Variants in LRRC19 observed in about 807,000 individuals in gnomAD.
LRRC19 encodes leucine rich repeat containing 19.
A neutral mutation model predicts 33.3 loss-of-function variants in LRRC19; 33 were observed. The observed-to-expected ratio is 0.99, with a 90% confidence interval of 0.75 to 1.33. LRRC19 has a LOEUF of 1.33. LRRC19 is among the 40% of genes most tolerant of loss of function. LRRC19 has a pLI of 0.00. For missense variants in LRRC19, 463 were observed against 417.3 expected (o/e 1.11, Z -0.95); for synonymous variants, 184 against 152.3 (o/e 1.21, Z -1.53).
At chr9:26,999,167 G>A (rs1188795645) in intron 2 of LRRC19, among the ~76,000 whole-genome samples, 1 of 152,106 alleles carries the variant, frequency 6.6e-6, no homozygotes, top group Admixed American at 6.6e-5. Context: ...TCTTTATGTG[G>A]ATATAGATGG....
chr9:26,998,390 ATCTTTT>A (rs1828288073), intron 2 of LRRC19, 149 bp from the exon 3 acceptor site: 1 of 480,378 alleles, frequency 2.1e-6, no homozygotes, highest in Admixed American at 3.9e-5. Flanking sequence ...AGTAGAGCAA[ATCTTTT>A]TCTTTATTGG....
chr9:26,998,344 G>A, intron 2 of LRRC19, 103 bp from the exon 3 acceptor site: 3 of 677,480 alleles, frequency 4.4e-6, no homozygotes, highest in South Asian at 3.4e-5. Flanking sequence ...ACGTTATTTT[G>A]GGAAAAAAAC....
intron 3 of LRRC19, among the ~76,000 whole-genome samples, chr9:26,996,843 T>C (rs1318533033): frequency 6.6e-6 from 1 of 152,178 alleles, no homozygotes. Context: ...GGAAGCACTT[T>C]TAAAAAATTA....
chr9:27,002,489 G>A (rs1290018406), intron 1 of LRRC19, among the ~76,000 whole-genome samples: 1 of 152,128 alleles, frequency 6.6e-6, no homozygotes, highest in Non-Finnish European at 1.5e-5. Flanking sequence ...TAGGGGTCTG[G>A]TTTCATTTTT....
intron 2 of LRRC19, among the ~76,000 whole-genome samples, chr9:26,998,957 A>G (rs904351622): frequency 8.5e-5 from 13 of 152,128 alleles, no homozygotes; most frequent in Non-Finnish European, 1.5e-4. Context: ...TCATGCCATT[A>G]CACTCCAGCC....
rs200569334 is a variant in LRRC19, at chr9:26,995,756, C to T, written c.878G>A (p.Cys293Tyr). The T allele has an allele frequency of 6.2e-7, 1 of 1,613,736 alleles. No individual in the cohort carries two copies. Among genetic ancestry groups the T allele is most frequent in the Admixed American group, 1.7e-5 (1 of 60,004 alleles). Residue 293 changes from cysteine to tyrosine, a missense_variant, in exon 5 of 5, where the codon TGC becomes TAC. Cys to Tyr is a radical substitution (Grantham distance 194, BLOSUM62 -2). Transcript: ENST00000380055. ...TSLLIFIAIKCPIWYNILLSY... is the reference protein window; with the variant it reads ...TSLLIFIAIKYPIWYNILLSY... The stretch of plus-strand genomic sequence containing the variant: ...AAGCAGAATATTGTACCATATTGGG[C>T]ATTTGATAGCAATAAAAATGAGAAG...
intron 1 of LRRC19, 115 bp from the exon 2 acceptor site, chr9:26,999,818 C>G (rs1247920916): frequency 1.3e-5 from 8 of 593,730 alleles, no homozygotes; most frequent in Non-Finnish European, 2.1e-5. Context: ...CACTCTGTCA[C>G]ACAGACCTGG....
chr9:27,002,319 C>G lies in LRRC19; in HGVS notation c.-9-2616G>C, dbSNP rs544271857. 3.4e-3 allele frequency among the ~76,000 whole-genome samples: 513 copies of G among 152,322 alleles called. 3 individuals carry two copies. Among genetic ancestry groups the G allele is most frequent in the African/African-American group, 0.012 (492 of 41,576 alleles). On this transcript the variant is annotated intron_variant, in intron 1 of 4. Transcript: ENST00000380055. ...GGGTCCATGTGAAGAGACCACCAAACAGGCTTTGTGTGAGCAACATGGCTG... is the reference window on the plus strand; with the variant it reads ...GGGTCCATGTGAAGAGACCACCAAAGAGGCTTTGTGTGAGCAACATGGCTG...
chr9:26,995,922 C>T (rs944474266), intron 4 of LRRC19, 73 bp from the exon 5 acceptor site: 1 of 1,019,168 alleles, frequency 9.8e-7, no homozygotes, highest in Non-Finnish European at 1.4e-6. Context: ...AATTATATAT[C>T]CTAATTCTCC....
chr9:27,002,401 G>A (rs1003555839), intron 1 of LRRC19, among the ~76,000 whole-genome samples: 1 of 152,208 alleles, frequency 6.6e-6, no homozygotes, highest in African/African-American at 2.4e-5. Context: ...GCCCTCCAGT[G>A]TTTTCTTGAA....
At position 27,005,610 on chromosome 9, in the gene LRRC19, T is replaced by C. The variant is rs1345053517; in HGVS notation, c.-28A>G. The C allele has an allele frequency of 6.6e-6, 1 of 151,986 alleles. No individual in the cohort carries two copies. The highest frequency in any genetic ancestry group is 1.5e-5 in the Non-Finnish European group (1 of 67,986). 9.4% of individuals were successfully genotyped at this position (151,986 alleles called of 1,614,324 possible). ...ATCTTACCTTTTTTTCTTTTGTCTC[T>C]AAGACTTGTGTGCTAAAGGAAATTA... On this transcript the variant is annotated 5_prime_UTR_variant, in exon 1 of 5. Coordinates refer to ENST00000380055, the MANE Select transcript of LRRC19 (RefSeq NM_022901.3).
chr9:26,995,601 A>G lies in LRRC19; in HGVS notation c.1033T>C (p.Leu345=), dbSNP rs372468832. The G allele has an allele frequency of 5.0e-6, 8 of 1,607,766 alleles. No homozygotes were observed. In the African/African-American group the frequency reaches 6.7e-5, roughly 13 times the overall value. Residue 345 remains leucine (L), a synonymous_variant, in exon 5 of 5, where the codon TTA becomes CTA. Coordinates refer to ENST00000380055, the MANE Select transcript of LRRC19 (RefSeq NM_022901.3). ...TCATCATCTACCACAAATGAATGTA[A>G]TTGTTCAAATATTACTGTAGTTTCT... ...SEETTVIFEQ[L]HSFVVDDDGF...
In LRRC19 at chr9:26,993,465, T is replaced by C. The variant is rs1827979465; in HGVS notation, c.*2056A>G. 1 of 152,590 alleles carries C rather than the reference T, an allele frequency of 6.6e-6. No homozygotes were observed. Among genetic ancestry groups the C allele is most frequent in the African/African-American group, 2.4e-5 (1 of 41,462 alleles). The allele number at this position is 152,590 out of a possible 1,614,324, so 9.5% of individuals were successfully genotyped here. ...ATGTGTCTGTAAACACAAGCAAATA[T>C]GTATTATAAATTAGTAAGTTCTTCT... On this transcript the variant is annotated 3_prime_UTR_variant, in exon 5 of 5. Coordinates refer to ENST00000380055, the MANE Select transcript of LRRC19 (RefSeq NM_022901.3).
Position 26,993,679 on chromosome 9 carries a change from A to T in LRRC19, c.*1842T>A, listed in dbSNP as rs1487406565. 2.0e-5 allele frequency: 3 copies of T among 152,308 alleles called. No homozygotes were observed. The highest frequency in any genetic ancestry group is 4.8e-5 in the African/African-American group (2 of 41,570). The allele number at this position is 152,308 out of a possible 1,614,324, so 9.4% of individuals were successfully genotyped here. ...TTAAAACTTTATTATATACATAAAC[A>T]ATTTGAACATACACAGAAATAGCAT... On this transcript the variant is annotated 3_prime_UTR_variant, in exon 5 of 5. Coordinates refer to ENST00000380055, the MANE Select transcript of LRRC19 (RefSeq NM_022901.3).
Position 26,999,601 on chromosome 9 carries a change from TG to T in LRRC19, c.81+12del. The T allele has an allele frequency of 6.5e-7, 1 of 1,534,634 alleles. No individual in the cohort carries two copies. The highest frequency in any genetic ancestry group is 8.9e-7 in the Non-Finnish European group (1 of 1,119,548). On this transcript the variant is annotated intron_variant, in intron 2 of 4. Transcript: ENST00000380055. Reference sequence around the variant, plus strand: ...TTGAAAATATTTTTACTATTTTGATTGTAAAAACTTACTCTTTTAGAAGACT... The same window carrying T: ...TTGAAAATATTTTTACTATTTTGATTTAAAAACTTACTCTTTTAGAAGACT...
At chr9:27,003,390 G>A (rs1227247306) in intron 1 of LRRC19, among the ~76,000 whole-genome samples, 2 of 152,062 alleles carry the variant, frequency 1.3e-5, no homozygotes, top group African/African-American at 4.8e-5. Context: ...GGGTGCAGTG[G>A]CAGGCACCTG....
chr9:26,997,330 CTT>C (rs773530183), intron 3 of LRRC19, among the ~76,000 whole-genome samples: 4 of 123,586 alleles, frequency 3.2e-5, no homozygotes, highest in East Asian at 2.9e-4. Context: ...GTTTCCTTTC[CTT>C]TTTTTTTTTT....
intron 3 of LRRC19, among the ~76,000 whole-genome samples, chr9:26,997,396 C>T (rs1246207919): frequency 2.1e-5 from 3 of 146,170 alleles, no homozygotes; most frequent in East Asian, 2.2e-4. Context: ...TGCAGTGGCA[C>T]GATCTCGGCT....
chr9:26,999,979 C>T (rs1362953588), intron 1 of LRRC19, among the ~76,000 whole-genome samples: 2 of 152,058 alleles, frequency 1.3e-5, no homozygotes, highest in African/African-American at 2.4e-5. Flanking sequence ...ATGTGTTACT[C>T]AGCCTGGTAT....
Sources: gnomAD v4.1 joint callset for allele counts (sites outside exome capture counted in the v4.1 genomes callset) on GRCh38, gnomAD v4.1.1 for gene constraint, MANE v1.5 for transcripts, NCBI Gene and HGNC (gene_info 2026-07-23, HGNC 2026-07-21) for gene names.